CDA: variants seen among roughly 807,000 people sequenced by gnomAD.
CDA encodes cytidine deaminase, also known as cytidine aminohydrolase.
Under a neutral mutation model 15.0 loss-of-function variants are expected in CDA, and 7 were observed. The ratio of observed to expected loss-of-function variants is 0.47; its 90% CI spans 0.26 to 0.87. CDA has a LOEUF of 0.87. CDA is among the 40% of genes least tolerant of loss of function. The pLI is 0.15. For synonymous variants in CDA, 58 were observed against 73.0 expected, an observed-to-expected ratio of 0.79 and a Z score of 1.05; for missense variants, 159 against 182.7, an observed-to-expected ratio of 0.87 and a Z score of 0.75.
chr1:20,613,976 G>A, intron 3 of CDA, 77 bp downstream of exon 3: 1 of 1,242,622 alleles, frequency 8.0e-7, no homozygotes, highest in Admixed American at 1.8e-5. Flanking sequence ...CAAGTTGCAG[G>A]CATGGCAGGC....
At chr1:20,595,479 C>G (rs1048605256) in intron 1 of CDA, among the ~76,000 whole-genome samples, 1 of 152,120 alleles carries the variant, frequency 6.6e-6, no homozygotes, top group South Asian at 2.1e-4. Context: ...CCCCATCCCC[C>G]CAACACCACA....
intron 2 of CDA, among the ~76,000 whole-genome samples, chr1:20,612,602 T>G (rs2052762342): frequency 6.6e-6 from 1 of 152,136 alleles, no homozygotes; most frequent in African/African-American, 2.4e-5. Flanking sequence ...CTCCCTTTGC[T>G]GACTCTCTTT....
chr1:20,589,316 A>G (rs2101171201), intron 1 of CDA, 33 bp downstream of exon 1: 1 of 1,607,720 alleles, frequency 6.2e-7, no homozygotes, highest in Non-Finnish European at 8.5e-7. Context: ...CCCCCAGCCC[A>G]GCAGCCTGGG....
At chr1:20,593,931 G>A (rs2052570036) in intron 1 of CDA, among the ~76,000 whole-genome samples, 1 of 152,212 alleles carries the variant, frequency 6.6e-6, no homozygotes, top group Admixed American at 6.5e-5. Flanking sequence ...AGAATAGGGG[G>A]TGGATGCAGT....
chr1:20,615,006 C>T lies in CDA; in HGVS notation c.324+1107C>T, dbSNP rs912257469. Among the ~76,000 whole-genome samples the T allele has an allele frequency of 1.1e-4, 17 of 151,980 alleles. 1 individual carries two copies. Among genetic ancestry groups the T allele is most frequent in the African/African-American group, 2.7e-4 (11 of 41,388 alleles). On this transcript the variant is annotated intron_variant, in intron 3 of 3. Transcript: ENST00000375071. ...CCTCCCGAGTAGCTGGGACTACAGG[C>T]GCCAGCTACCATGCCCGGCTAATTT...
intron 2 of CDA, among the ~76,000 whole-genome samples, chr1:20,610,027 A>G (rs1356122388): frequency 2.4e-5 from 3 of 123,304 alleles, no homozygotes; most frequent in Non-Finnish European, 5.1e-5. Flanking sequence ...TATCATCCCT[A>G]TCTCCACTTG....
chr1:20,614,272 T>C (rs562107225), intron 3 of CDA, among the ~76,000 whole-genome samples: 5 of 148,930 alleles, frequency 3.4e-5, no homozygotes, highest in African/African-American at 1.0e-4. Context: ...AAGAGGGCTA[T>C]AGAGGAAAAC....
chr1:20,610,909 A>G (rs1485745649), intron 2 of CDA, among the ~76,000 whole-genome samples: 2 of 152,232 alleles, frequency 1.3e-5, no homozygotes, highest in African/African-American at 4.8e-5. Flanking sequence ...AAAGTCACAC[A>G]TAGCAAAAGG....
At chr1:20,613,985 G>A in intron 3 of CDA, 86 bp downstream of exon 3, 2 of 1,259,440 alleles carry the variant, frequency 1.6e-6, no homozygotes, top group Non-Finnish European at 2.3e-6. Flanking sequence ...GGCATGGCAG[G>A]CATGGCAGGC....
Position 20,618,796 on chromosome 1 carries a change from C to A in CDA, c.*228C>A. 1.9e-6 allele frequency: 1 copy of A among 533,142 alleles called. No homozygotes were observed. Among genetic ancestry groups the A allele is most frequent in the South Asian group, 1.9e-5 (1 of 51,778 alleles). The allele number at this position is 533,142 out of a possible 1,614,324, so 33.0% of individuals were successfully genotyped here. On this transcript the variant is annotated 3_prime_UTR_variant, in exon 4 of 4. Transcript: ENST00000375071. ...ACCTTTCCTTTCCTTCCTGTGGGCC[C>A]TCTTTCAAAGTCCAGCCTAGTCTGG...
chr1:20,617,376 A>G (rs2052822480), intron 3 of CDA, among the ~76,000 whole-genome samples: 1 of 152,184 alleles, frequency 6.6e-6, no homozygotes, highest in Non-Finnish European at 1.5e-5. Flanking sequence ...TGCAGTATCT[A>G]TGTGGTGTGG....
intron 1 of CDA, among the ~76,000 whole-genome samples, chr1:20,602,283 A>T (rs1339087893): frequency 6.6e-6 from 1 of 152,142 alleles, no homozygotes; most frequent in Non-Finnish European, 1.5e-5. Context: ...AGTCCACAGC[A>T]TAGGAGATGT....
chr1:20,589,209 A>G lies in CDA; in HGVS notation c.80A>G (p.Lys27Arg), dbSNP rs778707646. The G allele has an allele frequency of 2.5e-6, 4 of 1,613,858 alleles. No homozygotes were observed. The highest frequency in any genetic ancestry group is 3.4e-6 in the Non-Finnish European group (4 of 1,179,776). The part of the protein sequence containing the change: ...QLLVCSQEAK[K>R]SAYCPYSHFP... Reference sequence around the variant, plus strand: ...CTGGTTTGCTCCCAGGAGGCCAAGAAGTCAGCCTACTGCCCCTACAGTCAC... The same window carrying G: ...CTGGTTTGCTCCCAGGAGGCCAAGAGGTCAGCCTACTGCCCCTACAGTCAC... The change falls in exon 1 of 4, where the codon AAG becomes AGG. Residue 27 changes from lysine (K) to arginine (R), a missense_variant. By Grantham distance (26) the Lys-to-Arg change is conservative (BLOSUM62 2). Transcript: ENST00000375071.
intron 2 of CDA, among the ~76,000 whole-genome samples, chr1:20,608,185 A>G (rs2052711375): frequency 6.6e-6 from 1 of 152,146 alleles, no homozygotes; most frequent in Non-Finnish European, 1.5e-5. Context: ...CTTGGCAGGA[A>G]CGTTGAGTAA....
chr1:20,612,143 A>T (rs2052758042), intron 2 of CDA, among the ~76,000 whole-genome samples: 1 of 152,166 alleles, frequency 6.6e-6, no homozygotes, highest in African/African-American at 2.4e-5. Context: ...GATTACAGGC[A>T]TGAGCCACCA....
chr1:20,608,648 G>A (rs1360395174), intron 2 of CDA, among the ~76,000 whole-genome samples: 2 of 152,188 alleles, frequency 1.3e-5, no homozygotes, highest in Non-Finnish European at 2.9e-5. Flanking sequence ...GGCCTCAAGT[G>A]ATCTGCCCAC....
intron 1 of CDA, among the ~76,000 whole-genome samples, chr1:20,603,642 T>C (rs2052667338): frequency 6.6e-6 from 1 of 152,160 alleles, no homozygotes; most frequent in African/African-American, 2.4e-5. Context: ...CATGCTGGAA[T>C]GGGAGGCACT....
intron 1 of CDA, among the ~76,000 whole-genome samples, chr1:20,602,262 G>A (rs983851648): frequency 2.0e-5 from 3 of 152,148 alleles, no homozygotes; most frequent in African/African-American, 4.8e-5. Flanking sequence ...AACAGACCAG[G>A]GGCGGGCTGG....
intron 1 of CDA, among the ~76,000 whole-genome samples, chr1:20,592,910 T>A (rs375557626): frequency 6.6e-6 from 1 of 152,086 alleles, no homozygotes; most frequent in African/African-American, 2.4e-5. Flanking sequence ...CTGGACAACA[T>A]GGCAAGACGT....
Sources: gnomAD v4.1 joint callset for allele counts (sites outside exome capture counted in the v4.1 genomes callset) on GRCh38, gnomAD v4.1.1 for gene constraint, MANE v1.5 for transcripts, NCBI Gene and HGNC (gene_info 2026-07-23, HGNC 2026-07-21) for gene names.